The following STEAP1B variants were observed in gnomAD, a reference collection of about 807,000 sequenced individuals.
STEAP1B encodes STEAP family protein MGC87042.
STEAP1B carries 13 observed loss-of-function variants against 27.9 expected under a neutral mutation model. The ratio of observed to expected loss-of-function variants is 0.47; its 90% CI spans 0.30 to 0.74. The LOEUF (loss-of-function observed/expected upper bound fraction) is 0.74. STEAP1B is among the 30% of genes least tolerant of loss of function. The probability of loss-of-function intolerance (pLI) is 0.06; values close to 1 mark genes in which losing one functional copy is unlikely to be tolerated. For synonymous variants in STEAP1B, 86 were observed against 107.1 expected (o/e 0.80, Z 1.22); for missense variants, 250 against 298.7 (o/e 0.84, Z 1.20).
intron 4 of STEAP1B, among the ~76,000 whole-genome samples, chr7:22,451,552 T>A (rs1785490367): frequency 6.6e-6 from 1 of 152,366 alleles, no homozygotes; most frequent in Non-Finnish European, 1.5e-5. Flanking sequence ...TGGCTTTTTT[T>A]ATGTTGAGGT....
intron 4 of STEAP1B, among the ~76,000 whole-genome samples, chr7:22,422,357 G>T (rs1251388688): frequency 6.6e-6 from 1 of 152,198 alleles, no homozygotes; most frequent in South Asian, 2.1e-4. Context: ...TATTGTAACC[G>T]CAAAGGAGAG....
chr7:22,488,558 A>G (rs1479569050), intron 4 of STEAP1B, among the ~76,000 whole-genome samples: 1 of 152,146 alleles, frequency 6.6e-6, no homozygotes, highest in Non-Finnish European at 1.5e-5. Context: ...GAAAAAGTCA[A>G]CTCTGAAATG....
intron 4 of STEAP1B, among the ~76,000 whole-genome samples, chr7:22,455,097 T>G (rs1785558307): frequency 6.6e-6 from 1 of 152,002 alleles, no homozygotes; most frequent in Non-Finnish European, 1.5e-5. Context: ...TCTCTTCACT[T>G]CGTGATCCAC....
At chr7:22,478,212 G>C (rs1172075596) in intron 4 of STEAP1B, among the ~76,000 whole-genome samples, 1 of 152,156 alleles carries the variant, frequency 6.6e-6, no homozygotes, top group Admixed American at 6.5e-5. Context: ...AAAAGCAGAG[G>C]CAAACAATCC....
intron 4 of STEAP1B, among the ~76,000 whole-genome samples, chr7:22,457,835 A>G (rs530604686): frequency 1.3e-5 from 2 of 152,350 alleles, no homozygotes; most frequent in East Asian, 3.9e-4. Context: ...ACATGATGAC[A>G]TGGTATTAGA....
At chr7:22,439,169 C>T (rs1785295240) in intron 4 of STEAP1B, among the ~76,000 whole-genome samples, 2 of 151,396 alleles carry the variant, frequency 1.3e-5, no homozygotes, top group Non-Finnish European at 2.9e-5. Flanking sequence ...TTAAGAATGC[C>T]GTGCCCCTAA....
intron 4 of STEAP1B, among the ~76,000 whole-genome samples, chr7:22,426,581 G>A (rs938054792): frequency 2.0e-5 from 3 of 152,192 alleles, no homozygotes; most frequent in South Asian, 2.1e-4. Flanking sequence ...CAGCAAAAAC[G>A]AGAACAAAAC....
intron 4 of STEAP1B, among the ~76,000 whole-genome samples, chr7:22,461,885 G>A (rs946695651): frequency 2.6e-4 from 39 of 152,118 alleles, no homozygotes; most frequent in Non-Finnish European, 2.9e-5. Context: ...GTATAAAATG[G>A]GGATTAAAAA....
chr7:22,495,868 G>A (rs957112715), intron 1 of STEAP1B, among the ~76,000 whole-genome samples: 1 of 152,174 alleles, frequency 6.6e-6, no homozygotes, highest in Non-Finnish European at 1.5e-5. Context: ...TCCCATAAGA[G>A]TATAATGGAG....
At chr7:22,427,750 C>A (rs762761754) in intron 4 of STEAP1B, among the ~76,000 whole-genome samples, 1 of 152,120 alleles carries the variant, frequency 6.6e-6, no homozygotes, top group Non-Finnish European at 1.5e-5. Flanking sequence ...AATAAATGTA[C>A]CTTTGAGAGG....
chr7:22,487,566 G>C (rs530912941), intron 4 of STEAP1B, among the ~76,000 whole-genome samples: 2 of 127,040 alleles, frequency 1.6e-5, no homozygotes, highest in African/African-American at 5.9e-5. Flanking sequence ...CGAGGATGGC[G>C]GGGGCGGGGG....
chr7:22,461,839 TTG>T (rs1266261467), intron 4 of STEAP1B, among the ~76,000 whole-genome samples: 3 of 152,194 alleles, frequency 2.0e-5, no homozygotes, highest in Admixed American at 6.5e-5. Context: ...TTTACTTAAA[TTG>T]TGTGTTAAGT....
intron 4 of STEAP1B, among the ~76,000 whole-genome samples, chr7:22,466,760 G>A (rs1173165234): frequency 6.6e-6 from 1 of 152,212 alleles, no homozygotes; most frequent in Non-Finnish European, 1.5e-5. Context: ...CTTAAAGTAA[G>A]AAGCAGTTGA....
Position 22,493,422 on chromosome 7 carries a change from G to T in STEAP1B, c.499C>A (p.Leu167Ile). Residue 167 changes from leucine (L) to isoleucine (I), a missense_variant, in exon 3 of 5, where the codon CTC becomes ATC. By Grantham distance (5) the Leu-to-Ile change is conservative. Transcript: ENST00000678116. ...WMLTRKQFGL[L>I]SLFFAVLHAI... ...TGCAGTACAGCAAAAAACAAACTGA[G>T]AAGCCCAAACTGCTTTCTTGTTAAC... The T allele has an allele frequency of 6.2e-7, 1 of 1,613,960 alleles. No homozygotes were observed. Among genetic ancestry groups the T allele is most frequent in the Non-Finnish European group, 8.5e-7 (1 of 1,179,896 alleles).
chr7:22,496,091 G>C (rs1763959485), intron 1 of STEAP1B, among the ~76,000 whole-genome samples: 1 of 152,128 alleles, frequency 6.6e-6, no homozygotes, highest in Non-Finnish European at 1.5e-5. Flanking sequence ...ACAAGATATA[G>C]AGGTGGAAGA....
intron 4 of STEAP1B, among the ~76,000 whole-genome samples, chr7:22,474,318 G>A (rs907441441): frequency 1.3e-5 from 2 of 152,164 alleles, no homozygotes; most frequent in African/African-American, 4.8e-5. Context: ...TGAGGAGTTT[G>A]CTAAAAAATA....
intron 4 of STEAP1B, among the ~76,000 whole-genome samples, chr7:22,474,650 G>C (rs1433266282): frequency 6.6e-6 from 1 of 152,196 alleles, no homozygotes; most frequent in Admixed American, 6.5e-5. Context: ...GCTGTTGATG[G>C]GCTTCTGTCT....
chr7:22,465,130 G>A (rs1785754644), intron 4 of STEAP1B, among the ~76,000 whole-genome samples: 2 of 151,282 alleles, frequency 1.3e-5, no homozygotes, highest in South Asian at 2.1e-4. Flanking sequence ...AGACGGCTAC[G>A]AGGCCACTAA....
chr7:22,443,267 C>A (rs746849199), intron 4 of STEAP1B, among the ~76,000 whole-genome samples: 1 of 152,182 alleles, frequency 6.6e-6, no homozygotes, highest in Non-Finnish European at 1.5e-5. Flanking sequence ...AGAGAAAATC[C>A]TAGTATCATG....
Sources: gnomAD v4.1 joint callset for allele counts (sites outside exome capture counted in the v4.1 genomes callset) on GRCh38, gnomAD v4.1.1 for gene constraint, MANE v1.5 for transcripts, NCBI Gene and HGNC (gene_info 2026-07-23, HGNC 2026-07-21) for gene names.